Variants in EXOC4 observed in about 807,000 individuals in gnomAD.
EXOC4 encodes SEC8-like 1.
EXOC4 carries 71 observed loss-of-function variants against 107.2 expected under a neutral mutation model. That is an observed-to-expected ratio of 0.66 (90% CI 0.55 to 0.81). EXOC4 has a LOEUF of 0.81. EXOC4 is among the 30% of genes least tolerant of loss of function. The probability of loss-of-function intolerance (pLI) is 0.00; values close to 1 mark genes in which losing one functional copy is unlikely to be tolerated. For synonymous variants in EXOC4, 456 were observed against 441.2 expected (o/e 1.03, Z -0.42); for missense variants, 1,108 against 1,189.6 (o/e 0.93, Z 1.01).
chr7:133,699,940 C>T (rs888274850), intron 10 of EXOC4, among the ~76,000 whole-genome samples: 5 of 151,914 alleles, frequency 3.3e-5, no homozygotes, highest in African/African-American at 7.3e-5. Context: ...TCAGAAAAAC[C>T]GAGGTCTGAG....
At chr7:133,367,493 G>A (rs1014924195) in intron 6 of EXOC4, among the ~76,000 whole-genome samples, 31 of 152,156 alleles carry the variant, frequency 2.0e-4, no homozygotes, top group African/African-American at 7.5e-4. Flanking sequence ...TGTTTTAGTA[G>A]GGTCCCAGGG....
At chr7:133,339,260 A>G (rs192513113) in intron 5 of EXOC4, among the ~76,000 whole-genome samples, 2 of 152,164 alleles carry the variant, frequency 1.3e-5, no homozygotes, top group Non-Finnish European at 2.9e-5. Flanking sequence ...GTTGTTGAAT[A>G]GGGTGTCCTT....
chr7:133,964,226 G>A (rs1801010898), intron 14 of EXOC4, among the ~76,000 whole-genome samples: 1 of 152,032 alleles, frequency 6.6e-6, no homozygotes, highest in African/African-American at 2.4e-5. Flanking sequence ...AGACCTCCTG[G>A]CTCCTTGTCC....
At chr7:133,721,426 T>G (rs979699234) in intron 10 of EXOC4, among the ~76,000 whole-genome samples, 1 of 152,188 alleles carries the variant, frequency 6.6e-6, no homozygotes, top group African/African-American at 2.4e-5. Context: ...CAGGGTGGTG[T>G]GTCAGAAAAA....
At chr7:133,414,991 A>G (rs557192216) in intron 7 of EXOC4, among the ~76,000 whole-genome samples, 5 of 152,238 alleles carry the variant, frequency 3.3e-5, no homozygotes, top group African/African-American at 7.2e-5. Context: ...CTCTGTCTCT[A>G]TGTATTTGCC....
intron 9 of EXOC4, among the ~76,000 whole-genome samples, chr7:133,495,614 C>T (rs1799459006): frequency 1.3e-5 from 2 of 152,164 alleles, no homozygotes; most frequent in Admixed American, 1.3e-4. Flanking sequence ...TTTCTGGCTT[C>T]TGTAACTCAA....
intron 5 of EXOC4, among the ~76,000 whole-genome samples, chr7:133,331,461 C>CTTTTTT (rs58568173): frequency 7.0e-5 from 6 of 85,580 alleles, no homozygotes; most frequent in African/African-American, 2.3e-4. Flanking sequence ...TTTCTTTTTT[C>CTTTTTT]TTTTTTTTTT....
intron 9 of EXOC4, among the ~76,000 whole-genome samples, chr7:133,566,137 A>G (rs1800902042): frequency 6.6e-6 from 1 of 152,144 alleles, no homozygotes; most frequent in Admixed American, 6.6e-5. Context: ...TTTTGTCATG[A>G]TTTTAATTGA....
At chr7:133,395,517 G>T (rs10266786) in intron 7 of EXOC4, among the ~76,000 whole-genome samples, 33 of 151,928 alleles carry the variant, frequency 2.2e-4, no homozygotes, top group Admixed American at 6.6e-4. Context: ...ATGCAAATAC[G>T]GCACAAGAAG....
At chr7:133,493,879 C>T (rs1799422652) in intron 9 of EXOC4, among the ~76,000 whole-genome samples, 1 of 152,130 alleles carries the variant, frequency 6.6e-6, no homozygotes, top group Admixed American at 6.5e-5. Context: ...ATATTAATGG[C>T]CATGATGAAC....
At chr7:133,645,521 T>A (rs1328511906) in intron 10 of EXOC4, among the ~76,000 whole-genome samples, 1 of 152,094 alleles carries the variant, frequency 6.6e-6, no homozygotes, top group African/African-American at 2.4e-5. Flanking sequence ...TAGGGACCAT[T>A]TTTTGATTGG....
chr7:133,989,411 C>G (rs1472524014), intron 14 of EXOC4, among the ~76,000 whole-genome samples: 1 of 152,084 alleles, frequency 6.6e-6, no homozygotes, highest in African/African-American at 2.4e-5. Flanking sequence ...GGGATGAGCT[C>G]ACTCAGAACA....
chr7:134,059,652 A>G (rs1021849230), intron 17 of EXOC4, among the ~76,000 whole-genome samples: 12 of 152,210 alleles, frequency 7.9e-5, no homozygotes, highest in African/African-American at 2.9e-4. Flanking sequence ...TTAGAAATCT[A>G]TCCATGAGAA....
intron 6 of EXOC4, among the ~76,000 whole-genome samples, chr7:133,366,095 T>G (rs1584856323): frequency 6.6e-6 from 1 of 152,244 alleles, no homozygotes; most frequent in Admixed American, 6.5e-5. Flanking sequence ...CAAACGTGGG[T>G]TTTCCAGCCA....
chr7:134,007,574 G>A, intron 16 of EXOC4, 102 bp from the exon 17 acceptor site: 1 of 1,104,076 alleles, frequency 9.1e-7, no homozygotes, highest in Non-Finnish European at 1.2e-6. Flanking sequence ...TCGTTTAAAT[G>A]TATAGAGGAT....
At chr7:133,277,686 T>G (rs1794027978) in intron 2 of EXOC4, among the ~76,000 whole-genome samples, 1 of 152,188 alleles carries the variant, frequency 6.6e-6, no homozygotes, top group African/African-American at 2.4e-5. Context: ...GGTTATGAAT[T>G]AGCTTCAATA....
At chr7:133,275,865 A>G (rs937117812) in intron 2 of EXOC4, among the ~76,000 whole-genome samples, 1 of 151,272 alleles carries the variant, frequency 6.6e-6, no homozygotes, top group Non-Finnish European at 1.5e-5. Context: ...CTAGGCTGGA[A>G]TGCAGTGGTG....
At chr7:133,371,576 T>G (rs1796378589) in intron 6 of EXOC4, among the ~76,000 whole-genome samples, 1 of 152,238 alleles carries the variant, frequency 6.6e-6, no homozygotes, top group South Asian at 2.1e-4. Flanking sequence ...ACTTCATTCC[T>G]TTTTGTGGCC....
intron 9 of EXOC4, among the ~76,000 whole-genome samples, chr7:133,501,853 C>G (rs1799581626): frequency 1.3e-5 from 2 of 152,136 alleles, no homozygotes; most frequent in Non-Finnish European, 2.9e-5. Flanking sequence ...TCATCTAGTT[C>G]ATACCTTGTA....
Sources: gnomAD v4.1 joint callset for allele counts (sites outside exome capture counted in the v4.1 genomes callset) on GRCh38, gnomAD v4.1.1 for gene constraint, MANE v1.5 for transcripts, NCBI Gene and HGNC (gene_info 2026-07-23, HGNC 2026-07-21) for gene names.